Variants in DDX1 observed in about 807,000 individuals in gnomAD.
The protein encoded by DDX1 is DEAD-box helicase 1, also known as ATP-dependent RNA helicase DDX1.
DDX1 carries 28 observed loss-of-function variants against 108.7 expected under a neutral mutation model. The ratio of observed to expected loss-of-function variants is 0.26; its 90% confidence interval spans 0.19 to 0.35. The LOEUF (loss-of-function observed/expected upper bound fraction) is 0.35. Ranked by LOEUF, DDX1 falls within the 10% of genes least tolerant of loss-of-function variation. DDX1 has a pLI of 1.00. For synonymous variants in DDX1, 295 were observed against 288.9 expected (o/e 1.02, Z -0.21); for missense variants, 710 against 884.5 (o/e 0.80, Z 2.50).
intron 13 of DDX1, among the ~76,000 whole-genome samples, chr2:15,612,608 G>C (rs1415882894): frequency 3.3e-5 from 5 of 151,594 alleles, no homozygotes; most frequent in African/African-American, 4.8e-5. Flanking sequence ...ACGGGGTGGC[G>C]GCCGGGCAGA....
At chr2:15,629,474 A>C in intron 23 of DDX1, 128 bp from the exon 24 acceptor site, 1 of 643,258 alleles carries the variant, frequency 1.6e-6, no homozygotes, top group Non-Finnish European at 2.6e-6. Flanking sequence ...ATTGGATGAT[A>C]TATCATACCT....
chr2:15,619,023 G>T (rs376219958), intron 16 of DDX1, among the ~76,000 whole-genome samples: 4 of 152,222 alleles, frequency 2.6e-5, no homozygotes, highest in Non-Finnish European at 5.9e-5. Context: ...AGGGCCCCCC[G>T]AGTGCAGAGA....
At position 15,597,405 on chromosome 2, in the gene DDX1, T is replaced by A. The variant is rs1318805337; in HGVS notation, c.193T>A (p.Tyr65Asn). The change falls in exon 5 of 26, where the codon TAT becomes AAT. Residue 65 changes from tyrosine (Y) to asparagine (N), a missense_variant. Physicochemically the swap from Tyr to Asn is moderately radical, Grantham distance 143 (BLOSUM62 -2). Transcript: ENST00000233084. ...AFSIPVIQIVYETLKDQQEGK... is the reference protein window; with the variant it reads ...AFSIPVIQIVNETLKDQQEGK... ...TAGTATTCCAGTTATCCAGATAGTT[T>A]ATGAAACTCTGAAAGACCAACAGGA... 1 of 1,608,942 alleles carries A rather than the reference T, an allele frequency of 6.2e-7. No homozygotes were observed. Among genetic ancestry groups the A allele is most frequent in the East Asian group, 2.2e-5 (1 of 44,704 alleles).
chr2:15,592,038 G>A, intron 1 of DDX1, 89 bp downstream of exon 1: 3 of 1,210,856 alleles, frequency 2.5e-6, no homozygotes, highest in Non-Finnish European at 3.3e-6. Context: ...AGGGGCGGGA[G>A]CGGACAGGGG....
intron 13 of DDX1, among the ~76,000 whole-genome samples, chr2:15,612,993 C>G (rs989663817): frequency 1.4e-5 from 2 of 144,288 alleles, no homozygotes; most frequent in South Asian, 2.3e-4. Flanking sequence ...AGAGGGAGAC[C>G]GTGGAAAGAG....
At chr2:15,618,965 A>C (rs894500034) in intron 16 of DDX1, among the ~76,000 whole-genome samples, 3 of 152,194 alleles carry the variant, frequency 2.0e-5, no homozygotes, top group South Asian at 2.1e-4. Context: ...GAGGCCAGGC[A>C]GTGGAAGCAG....
chr2:15,623,471 G>C lies in DDX1; in HGVS notation c.1483G>C (p.Glu495Gln). Residue 495 changes from glutamate (E) to glutamine (Q), a missense_variant, in exon 19 of 26, where the codon GAG (glutamate) becomes CAG (glutamine). This residue lies in a region of DDX1 where 661 missense variants were observed against 810.2 expected (regional missense o/e 0.82). Coordinates refer to ENST00000233084, the MANE Select transcript of DDX1 (RefSeq NM_004939.3). ...TGAAGCTATTAAAATCCTGAAAGGGGAGTATGCTGTCCGGGCAATCAAGGA... is the reference window on the plus strand; with the variant it reads ...TGAAGCTATTAAAATCCTGAAAGGGCAGTATGCTGTCCGGGCAATCAAGGA... Reference protein sequence around the residue: ...WSEAIKILKGEYAVRAIKEHK... With the variant: ...WSEAIKILKGQYAVRAIKEHK... The C allele has an allele frequency of 6.2e-7, 1 of 1,613,594 alleles. No homozygotes were observed. The highest frequency in any genetic ancestry group is 8.5e-7 in the Non-Finnish European group (1 of 1,179,684).
chr2:15,611,231 CAGA>C (rs1422016020), intron 13 of DDX1, among the ~76,000 whole-genome samples: 1 of 151,110 alleles, frequency 6.6e-6, no homozygotes, highest in Admixed American at 6.6e-5. Flanking sequence ...GATCCCAAGG[CAGA>C]AGAATTTTTC....
intron 3 of DDX1, among the ~76,000 whole-genome samples, chr2:15,595,811 G>GA (rs1665488306): frequency 6.6e-6 from 1 of 152,146 alleles, no homozygotes; most frequent in Non-Finnish European, 1.5e-5. Context: ...GAGTAGTATA[G>GA]AATTCAAGTG....
Position 15,621,460 on chromosome 2 carries a change from T to A in DDX1, c.1447+344T>A, listed in dbSNP as rs1431804056. On this transcript the variant is annotated intron_variant, in intron 18 of 25. Coordinates refer to ENST00000233084, the MANE Select transcript of DDX1 (RefSeq NM_004939.3). ...AAGTAGCTGGGATCGCCCGCCACCA[T>A]GCCTGGCTAATTTTTTTATATTTTT... 1.5e-5 allele frequency: 3 copies of A among 205,020 alleles called. No homozygotes were observed. The East Asian group carries it at 4.5e-4, about 30-fold the overall frequency. The allele number at this position is 205,020 out of a possible 1,614,324, so 12.7% of individuals were successfully genotyped here.
chr2:15,610,568 C>T (rs1665734641), intron 13 of DDX1, among the ~76,000 whole-genome samples: 1 of 152,232 alleles, frequency 6.6e-6, no homozygotes, highest in African/African-American at 2.4e-5. Context: ...AGTGAGTCTT[C>T]TTTCACTCCT....
chr2:15,595,391 A>G, intron 2 of DDX1, 99 bp from the exon 3 acceptor site: 1 of 1,025,302 alleles, frequency 9.8e-7, no homozygotes, highest in South Asian at 1.4e-5. Context: ...GATCGTATTT[A>G]CCACGTAAAA....
chr2:15,628,888 A>C (rs762551429), intron 23 of DDX1, 49 bp downstream of exon 23: 16 of 1,543,144 alleles, frequency 1.0e-5, no homozygotes, highest in Non-Finnish European at 1.4e-5. Context: ...TTGTGATTTT[A>C]GATGTTGGAA....
At chr2:15,614,212 A>G (rs963271128) in intron 14 of DDX1, among the ~76,000 whole-genome samples, 2 of 152,160 alleles carry the variant, frequency 1.3e-5, no homozygotes, top group Non-Finnish European at 2.9e-5. Flanking sequence ...ACAGCTTATA[A>G]ATTTCTCTTT....
At chr2:15,612,174 G>A (rs1338595747) in intron 13 of DDX1, among the ~76,000 whole-genome samples, 3 of 151,178 alleles carry the variant, frequency 2.0e-5, no homozygotes, top group Non-Finnish European at 4.4e-5. Context: ...CGGGGCGGCT[G>A]GCCTGGCGGT....
At position 15,630,776 on chromosome 2, in the gene DDX1, G is replaced by T. The variant is rs1666177820; in HGVS notation, c.2093G>T (p.Gly698Val). The T allele has an allele frequency of 6.2e-7, 1 of 1,612,138 alleles. No homozygotes were observed. Among genetic ancestry groups the T allele is most frequent in the East Asian group, 2.2e-5 (1 of 44,842 alleles). ...VTYGQKRAAG[G>V]GSYKGHVDIL... is the part of the protein sequence containing the mutation. ...ACTTTGTTATTTGTGTGTGATGCAGGTGGAAGCTATAAAGGCCATGTGGAT... is the reference window on the plus strand; with the variant it reads ...ACTTTGTTATTTGTGTGTGATGCAGTTGGAAGCTATAAAGGCCATGTGGAT... Residue 698 changes from glycine (G) to valine (V), a missense_variant and splice_region_variant, in exon 26 of 26, where the codon GGT becomes GTT. This residue lies in a region of DDX1 where 661 missense variants were observed against 810.2 expected (regional missense o/e 0.82). Transcript: ENST00000233084.
At chr2:15,607,517 AT>A (rs56290971) in intron 13 of DDX1, among the ~76,000 whole-genome samples, 101,540 of 151,406 alleles carry the variant, frequency 0.67, 35,317 homozygotes, top group East Asian at 0.88. Flanking sequence ...TAAAATTGAG[AT>A]TTTTTTTTTC....
At chr2:15,630,717 G>C (rs1375574459) in intron 25 of DDX1, 59 bp from the exon 26 acceptor site, 11 of 1,564,948 alleles carry the variant, frequency 7.0e-6, no homozygotes, top group Non-Finnish European at 5.2e-6. Context: ...CCAAAGTATT[G>C]CTGACAAGTT....
chr2:15,603,340 G>A lies in DDX1; in HGVS notation c.475+65G>A, dbSNP rs568586482. Reference sequence around the variant, plus strand: ...TTGGGGGATAACATTTTATTATTTGGGGAAGCAAAATAATAAATTTAACCA... The same window carrying A: ...TTGGGGGATAACATTTTATTATTTGAGGAAGCAAAATAATAAATTTAACCA... On this transcript the variant is annotated intron_variant, in intron 8 of 25. Coordinates refer to ENST00000233084, the MANE Select transcript of DDX1 (RefSeq NM_004939.3). 46 of 1,113,330 alleles carry A rather than the reference G, an allele frequency of 4.1e-5. No individual in the cohort carries two copies. In the East Asian group the frequency reaches 1.1e-3, roughly 26 times the overall value. 69.0% of individuals were successfully genotyped at this position (1,113,330 alleles called of 1,614,324 possible).
Sources: allele counts gnomAD v4.1 joint callset (sites outside exome capture counted in the v4.1 genomes callset), GRCh38; gene constraint gnomAD v4.1.1; regional missense constraint gnomAD v4.1.1; transcripts MANE v1.5; gene names NCBI Gene and HGNC (gene_info 2026-07-23, HGNC 2026-07-21).